Variants in ZBTB45 observed in about 807,000 individuals in gnomAD.
ZBTB45 encodes the protein zinc finger and BTB domain containing 45.
In ZBTB45, 22 loss-of-function variants were observed where a neutral mutation model predicts 28.4. That is an observed-to-expected ratio of 0.77 (90% CI 0.55 to 1.10). The LOEUF (loss-of-function observed/expected upper bound fraction) is 1.10. Among genes scored for constraint, ZBTB45 ranks in the 50% least tolerant of loss-of-function variants. The pLI is 0.00. For synonymous variants in ZBTB45, 361 were observed against 332.3 expected, an observed-to-expected ratio of 1.09 and a Z score of -0.94; for missense variants, 656 against 750.2, an observed-to-expected ratio of 0.87 and a Z score of 1.47.
At chr19:58,538,213 T>C (rs554745683) in intron 1 of ZBTB45, among the ~76,000 whole-genome samples, 21 of 151,874 alleles carry the variant, frequency 1.4e-4, no homozygotes, top group African/African-American at 4.4e-4. Context: ...TTTCTTTTCT[T>C]TTCTTTTCTT....
chr19:58,538,327 GTCA>G (rs1280335944), intron 1 of ZBTB45, among the ~76,000 whole-genome samples: 11 of 152,044 alleles, frequency 7.2e-5, no homozygotes, highest in African/African-American at 2.4e-4. Context: ...ATCTCAACGC[GTCA>G]GCCTCTGGCA....
upstream of ZBTB45, among the ~76,000 whole-genome samples, chr19:58,521,378 AAAAAAAG>A (rs953283060): frequency 1.2e-4 from 18 of 146,754 alleles, no homozygotes; most frequent in Non-Finnish European, 2.4e-4. Flanking sequence ...AAAAAAAAAA[AAAAAAAG>A]AAAGAAAGAA....
chr19:58,529,366 G>A (rs2053624663), intron 1 of ZBTB45, among the ~76,000 whole-genome samples: 1 of 152,184 alleles, frequency 6.6e-6, no homozygotes, highest in South Asian at 2.1e-4. Context: ...AGGAGGTTGA[G>A]GCTGCAGTGA....
chr19:58,521,692 A>AT (rs58789621), upstream of ZBTB45, among the ~76,000 whole-genome samples: 13 of 152,310 alleles, frequency 8.5e-5, no homozygotes, highest in Admixed American at 2.6e-4. Context: ...AGAGTCCAAT[A>AT]AATGCCACTA....
intron 1 of ZBTB45, among the ~76,000 whole-genome samples, chr19:58,528,877 G>A (rs2053621399): frequency 1.3e-5 from 2 of 149,872 alleles, no homozygotes; most frequent in Admixed American, 1.3e-4. Context: ...CTGGATGACA[G>A]AGCGAGACTC....
At chr19:58,529,042 C>T (rs1276402905) in intron 1 of ZBTB45, among the ~76,000 whole-genome samples, 1 of 149,220 alleles carries the variant, frequency 6.7e-6, no homozygotes. Context: ...TGAGATCACG[C>T]CATTGCACTC....
At chr19:58,533,719 A>C (rs2053645903) in intron 1 of ZBTB45, among the ~76,000 whole-genome samples, 1 of 152,128 alleles carries the variant, frequency 6.6e-6, no homozygotes, top group South Asian at 2.1e-4. Context: ...GAACCTTTGA[A>C]ATGGGAATCA....
chr19:58,537,045 C>T (rs1021250342), intron 1 of ZBTB45, among the ~76,000 whole-genome samples: 5 of 152,092 alleles, frequency 3.3e-5, no homozygotes, highest in Non-Finnish European at 5.9e-5. Flanking sequence ...GGTGCACTAG[C>T]GTCCTGCCAT....
rs917260167 is a variant in ZBTB45 at position 58,525,619 on chromosome 19, G to C, written c.1-7946C>G. ...TGGTGGAGCCAGGGAGGTGGTAGAAGCAATGGCTGGGACCAGGCAAGTTGC... is the reference window on the plus strand; with the variant it reads ...TGGTGGAGCCAGGGAGGTGGTAGAACCAATGGCTGGGACCAGGCAAGTTGC... On this transcript the variant is annotated intron_variant, in intron 1 of 1. Coordinates refer to the ZBTB45 transcript ENST00000600130. 3.3e-5 allele frequency among the ~76,000 whole-genome samples: 5 copies of C among 152,310 alleles called. No individual in the cohort carries two copies. In the South Asian group the frequency reaches 1.0e-3, roughly 32 times the overall value.
At chr19:58,524,577 T>C (rs942466721), upstream of ZBTB45, among the ~76,000 whole-genome samples, 1 of 151,282 alleles carries the variant, frequency 6.6e-6, no homozygotes, top group African/African-American at 2.4e-5. Context: ...CGATGTGGCC[T>C]GCAAATATTA....
chr19:58,513,893 G>A lies in ZBTB45; in HGVS notation c.*161C>T, dbSNP rs1190890596. 1.1e-5 allele frequency: 10 copies of A among 903,614 alleles called. No individual in the cohort carries two copies. Among genetic ancestry groups the A allele is most frequent in the African/African-American group, 1.8e-5 (1 of 56,460 alleles). The allele number at this position is 903,614 out of a possible 1,614,324, so 56.0% of individuals were successfully genotyped here. On this transcript the variant is annotated 3_prime_UTR_variant, in exon 3 of 3. Coordinates refer to ENST00000594051, the MANE Select transcript of ZBTB45 (RefSeq NM_001316979.2). The stretch of plus-strand genomic sequence containing the variant: ...AGTACATGGAGGAGAGGAGTAAGGC[G>A]GACTTAGGCCCTGGTATGGAGAAAG...
chr19:58,517,678 A>G lies in ZBTB45; in HGVS notation c.1-5T>C, dbSNP rs775742222. On this transcript the variant is annotated splice_polypyrimidine_tract_variant and splice_region_variant and intron_variant, in intron 1 of 2. Transcript: ENST00000594051. The stretch of plus-strand genomic sequence containing the variant: ...CACAGCCTCTGCAGCCGCCATCTGC[A>G]CAGAACAAGAGGAGGGCAGGGAGAG... 8 of 1,611,280 alleles carry G rather than the reference A, an allele frequency of 5.0e-6. No individual in the cohort carries two copies. The highest frequency in any genetic ancestry group is 3.4e-6 in the Non-Finnish European group (4 of 1,178,278).
In ZBTB45 at chr19:58,513,902, C is replaced by T; in HGVS notation, c.*152G>A. ...AGGAGAGGAGTAAGGCGGACTTAGG[C>T]CCTGGTATGGAGAAAGGGTGAAGGG... On this transcript the variant is annotated 3_prime_UTR_variant, in exon 3 of 3. Transcript: ENST00000594051. 1.0e-6 allele frequency: 1 copy of T among 981,652 alleles called. No individual in the cohort carries two copies. The highest frequency in any genetic ancestry group is 3.2e-5 in the East Asian group (1 of 30,930). The allele number at this position is 981,652 out of a possible 1,614,324, so 60.8% of individuals were successfully genotyped here.
chr19:58,523,173 C>G (rs1044094709), upstream of ZBTB45, among the ~76,000 whole-genome samples: 13 of 152,054 alleles, frequency 8.5e-5, no homozygotes, highest in African/African-American at 1.2e-4. Context: ...CCTGACCTCT[C>G]TCAAGCAGCC....
At chr19:58,514,347 ACT>A (rs1379096566) in intron 2 of ZBTB45, 37 bp from the exon 3 acceptor site, 1 of 1,556,562 alleles carries the variant, frequency 6.4e-7, no homozygotes, top group East Asian at 2.4e-5. Context: ...CGCAAGTCAG[ACT>A]CTACAGCTCC....
intron 1 of ZBTB45, among the ~76,000 whole-genome samples, chr19:58,529,992 C>T (rs530527388): frequency 1.1e-3 from 167 of 152,184 alleles, no homozygotes; most frequent in African/African-American, 3.9e-3. Context: ...CACTTGAGCA[C>T]AGGAGTTTGA....
Position 58,515,450 on chromosome 19 carries a change from C to G in ZBTB45, c.1279+945G>C, listed in dbSNP as rs1425310368. ...CACACTTCACACAGCCAGCACTACC[C>G]TGGGGCCTCTGGCAGTTCCCTGGAG... On this transcript the variant is annotated intron_variant, in intron 2 of 2. Coordinates refer to ENST00000594051, the MANE Select transcript of ZBTB45 (RefSeq NM_001316979.2). This position sits in a 1 kb window ranked among gnomAD's most constrained non-coding sequence, Gnocchi z 4.7. Among the ~76,000 whole-genome samples the G allele has an allele frequency of 6.6e-6, 1 of 152,148 alleles. No individual in the cohort carries two copies. Among genetic ancestry groups the G allele is most frequent in the African/African-American group, 2.4e-5 (1 of 41,432 alleles).
chr19:58,517,225 C>T lies in ZBTB45; in HGVS notation c.449G>A (p.Arg150His), dbSNP rs753282163. 8.8e-6 allele frequency: 14 copies of T among 1,597,844 alleles called. No homozygotes were observed. The highest frequency in any genetic ancestry group is 1.7e-4 in the Middle Eastern group (1 of 5,882). Residue 150 changes from arginine to histidine, a missense_variant, in exon 2 of 3, where the codon CGT (arginine) becomes CAT (histidine). Coordinates refer to ENST00000594051, the MANE Select transcript of ZBTB45 (RefSeq NM_001316979.2). The part of the protein sequence containing the change: ...VPPPLAPAQL[R>H]HRLRHLLAAR... ...AGCCAGCAGGTGGCGCAGGCGGTGA[C>T]GCAGCTGCGCAGGTGCGAGTGGCGG...
intron 1 of ZBTB45, chr19:58,538,583 C>T (rs568697126): frequency 6.6e-6 from 1 of 152,252 alleles, no homozygotes; most frequent in Non-Finnish European, 1.5e-5. Flanking sequence ...GAACAAAGGC[C>T]ACACCCGGCC....
Sources: allele counts gnomAD v4.1 joint callset (sites outside exome capture counted in the v4.1 genomes callset), GRCh38; gene constraint gnomAD v4.1.1; non-coding constraint Gnocchi (gnomAD v3.1); transcripts MANE v1.5; gene names NCBI Gene and HGNC (gene_info 2026-07-23, HGNC 2026-07-21).